The following ST6GALNAC3 variants were observed in gnomAD, a reference collection of about 807,000 sequenced individuals.
ST6GALNAC3 encodes the protein ST6 N-acetylgalactosaminide alpha-2,6-sialyltransferase 3.
ST6GALNAC3 carries 25 observed loss-of-function variants against 32.7 expected under a neutral mutation model. The observed-to-expected ratio is 0.76, with a 90% CI of 0.56 to 1.07. The LOEUF is 1.07. Among genes scored for constraint, ST6GALNAC3 ranks in the 50% least tolerant of loss-of-function variants. ST6GALNAC3 has a pLI of 0.00. For synonymous variants in ST6GALNAC3, 129 were observed against 133.1 expected (o/e 0.97, Z 0.21); for missense variants, 355 against 382.4 (o/e 0.93, Z 0.60).
At chr1:76,127,409 A>T (rs1327348607) in intron 1 of ST6GALNAC3, among the ~76,000 whole-genome samples, 1 of 152,246 alleles carries the variant, frequency 6.6e-6, no homozygotes, top group African/African-American at 2.4e-5. Flanking sequence ...GAAGCATGGC[A>T]AGAACTGTGT....
chr1:76,083,230 A>T (rs1646921229), intron 1 of ST6GALNAC3, among the ~76,000 whole-genome samples: 2 of 152,246 alleles, frequency 1.3e-5, no homozygotes, highest in South Asian at 4.1e-4. Flanking sequence ...TACTCATCTT[A>T]GATTTTGAGA....
At chr1:76,355,672 A>T (rs898961684) in intron 2 of ST6GALNAC3, among the ~76,000 whole-genome samples, 5 of 152,240 alleles carry the variant, frequency 3.3e-5, no homozygotes, top group African/African-American at 4.8e-5. Context: ...CTTTTAATAC[A>T]TATTTCATGA....
intron 1 of ST6GALNAC3, among the ~76,000 whole-genome samples, chr1:76,211,222 G>A (rs1001235347): frequency 1.1e-4 from 17 of 152,192 alleles, no homozygotes; most frequent in Non-Finnish European, 2.1e-4. Context: ...AATGCAAATT[G>A]AAACCACAAT....
intron 1 of ST6GALNAC3, among the ~76,000 whole-genome samples, chr1:76,279,743 C>G (rs529929420): frequency 2.0e-5 from 3 of 152,178 alleles, no homozygotes; most frequent in Non-Finnish European, 4.4e-5. Context: ...ACTGTGACTC[C>G]TATACCAGGC....
chr1:76,090,146 G>A (rs1647024831), intron 1 of ST6GALNAC3, among the ~76,000 whole-genome samples: 1 of 152,120 alleles, frequency 6.6e-6, no homozygotes, highest in African/African-American at 2.4e-5. Context: ...TTAACCATCT[G>A]GTCTTCTACC....
At chr1:76,450,300 A>G (rs1052973486) in intron 3 of ST6GALNAC3, among the ~76,000 whole-genome samples, 3 of 151,966 alleles carry the variant, frequency 2.0e-5, no homozygotes, top group Admixed American at 6.6e-5. Flanking sequence ...CAAAACCACA[A>G]TGTGGTTTTG....
chr1:76,478,843 A>G (rs946417624), intron 3 of ST6GALNAC3, among the ~76,000 whole-genome samples: 2 of 145,840 alleles, frequency 1.4e-5, no homozygotes, highest in Admixed American at 7.1e-5. Context: ...GCTCACTGTA[A>G]GCTCTGCCTC....
intron 1 of ST6GALNAC3, among the ~76,000 whole-genome samples, chr1:76,296,895 C>G (rs1032305669): frequency 6.6e-6 from 1 of 151,868 alleles, no homozygotes; most frequent in South Asian, 2.1e-4. Flanking sequence ...GTGCAGTTGC[C>G]CCATAAATGT....
intron 3 of ST6GALNAC3, among the ~76,000 whole-genome samples, chr1:76,600,056 G>A (rs761555836): frequency 5.9e-5 from 9 of 152,020 alleles, no homozygotes; most frequent in Non-Finnish European, 7.4e-5. Context: ...TCCCTACTGT[G>A]GTAGTATCAG....
intron 3 of ST6GALNAC3, among the ~76,000 whole-genome samples, chr1:76,481,978 A>T (rs959310604): frequency 1.3e-5 from 2 of 152,060 alleles, no homozygotes; most frequent in Admixed American, 1.3e-4. Flanking sequence ...CTACCCAAAA[A>T]CCAAGTTCTG....
chr1:76,549,748 T>C (rs1664512699), intron 3 of ST6GALNAC3, among the ~76,000 whole-genome samples: 1 of 152,170 alleles, frequency 6.6e-6, no homozygotes, highest in African/African-American at 2.4e-5. Flanking sequence ...AGGATTGCTC[T>C]GATTTTCTTT....
chr1:76,468,727 TC>T (rs1658819343), intron 3 of ST6GALNAC3, among the ~76,000 whole-genome samples: 1 of 152,062 alleles, frequency 6.6e-6, no homozygotes, highest in Non-Finnish European at 1.5e-5. Context: ...ACTAAGGGAT[TC>T]CCTGTCCAGT....
At chr1:76,484,628 A>G (rs957309614) in intron 3 of ST6GALNAC3, among the ~76,000 whole-genome samples, 5 of 152,152 alleles carry the variant, frequency 3.3e-5, no homozygotes, top group African/African-American at 1.2e-4. Flanking sequence ...TTGGGCTGAG[A>G]CAATGGGGTT....
chr1:76,118,335 A>G (rs1214686138), intron 1 of ST6GALNAC3, among the ~76,000 whole-genome samples: 1 of 152,244 alleles, frequency 6.6e-6, no homozygotes, highest in Non-Finnish European at 1.5e-5. Flanking sequence ...CTAGAATTTG[A>G]TAAATGCTAT....
intron 1 of ST6GALNAC3, among the ~76,000 whole-genome samples, chr1:76,210,776 T>C (rs1368874249): frequency 1.3e-5 from 2 of 152,202 alleles, no homozygotes; most frequent in East Asian, 3.9e-4. Flanking sequence ...AGATAGGGTC[T>C]CGCTCTGTTG....
At chr1:76,125,069 C>T (rs182730672) in intron 1 of ST6GALNAC3, among the ~76,000 whole-genome samples, 2 of 152,224 alleles carry the variant, frequency 1.3e-5, no homozygotes, top group East Asian at 3.9e-4. Flanking sequence ...TTTCTCTTTA[C>T]TTTTTGTTAA....
chr1:76,273,842 A>G (rs1193577869), intron 1 of ST6GALNAC3, among the ~76,000 whole-genome samples: 4 of 152,170 alleles, frequency 2.6e-5, no homozygotes, highest in Non-Finnish European at 5.9e-5. Flanking sequence ...ATGTTATGGA[A>G]TGATGTATCT....
chr1:76,160,623 G>A (rs932997315), intron 1 of ST6GALNAC3, among the ~76,000 whole-genome samples: 9 of 152,178 alleles, frequency 5.9e-5, no homozygotes, highest in African/African-American at 2.2e-4. Context: ...GCTGTGAACT[G>A]TTCATTACTG....
chr1:76,412,013 G>C lies in ST6GALNAC3; in HGVS notation c.219G>C (p.Leu73Phe). Residue 73 changes from leucine (L) to phenylalanine (F), a missense_variant, in exon 3 of 5, where the codon TTG (leucine) becomes TTC (phenylalanine). Coordinates refer to ENST00000328299, the MANE Select transcript of ST6GALNAC3 (RefSeq NM_152996.4). ...CTTCTTTCTCTATTTTTCAGCCTTT[G>C]CAACTGGACTGTGACCTTTGTGCCA... ...GYINVKTQEPLQLDCDLCAIV... is the reference protein window; with the variant it reads ...GYINVKTQEPFQLDCDLCAIV... 1 of 1,608,286 alleles carries C rather than the reference G, an allele frequency of 6.2e-7. No homozygotes were observed. Among genetic ancestry groups the C allele is most frequent in the Non-Finnish European group, 8.5e-7 (1 of 1,176,772 alleles).
Sources: gnomAD v4.1 joint callset for allele counts (sites outside exome capture counted in the v4.1 genomes callset) on GRCh38, gnomAD v4.1.1 for gene constraint, MANE v1.5 for transcripts, NCBI Gene and HGNC (gene_info 2026-07-23, HGNC 2026-07-21) for gene names.